Variants in PCF11 observed in about 807,000 individuals in gnomAD.
The protein encoded by PCF11 is pre-mRNA cleavage complex 2 protein Pcf11.
Under a neutral mutation model 166.1 loss-of-function variants are expected in PCF11, and 19 were observed. The observed-to-expected ratio is 0.11, with a 90% CI of 0.08 to 0.17. The LOEUF is 0.17. Ranked by LOEUF, PCF11 falls within the 10% of genes least tolerant of loss-of-function variation. The probability of loss-of-function intolerance (pLI) is 1.00; values close to 1 mark genes in which losing one functional copy is unlikely to be tolerated. For missense variants in PCF11, 1,565 were observed against 1,855.5 expected, an observed-to-expected ratio of 0.84 and a Z score of 2.88; for synonymous variants, 663 against 644.1, an observed-to-expected ratio of 1.03 and a Z score of -0.44.
At chr11:83,181,603 T>TAA (rs56993580) in intron 12 of PCF11, among the ~76,000 whole-genome samples, 35 of 146,808 alleles carry the variant, frequency 2.4e-4, no homozygotes, top group African/African-American at 8.7e-4. Flanking sequence ...CTGTTTTTTG[T>TAA]AAAAAAAAAA....
At chr11:83,179,570 T>C (rs1469952439) in intron 11 of PCF11, among the ~76,000 whole-genome samples, 1 of 152,096 alleles carries the variant, frequency 6.6e-6, no homozygotes, top group Non-Finnish European at 1.5e-5. Context: ...ATTTTCTGTT[T>C]CTTGATTTAC....
At chr11:83,157,859 T>G in intron 1 of PCF11, 1 of 563,660 alleles carries the variant, frequency 1.8e-6, no homozygotes. Context: ...GCTTTCCAAC[T>G]CCCTTTTTAG....
intron 9 of PCF11, among the ~76,000 whole-genome samples, chr11:83,175,026 G>A (rs1045925120): frequency 6.6e-6 from 1 of 152,226 alleles, no homozygotes; most frequent in African/African-American, 2.4e-5. Flanking sequence ...TTATCTGTAT[G>A]TGGATGCAAA....
chr11:83,181,581 C>A (rs641835), intron 12 of PCF11, among the ~76,000 whole-genome samples: 149,413 of 149,418 alleles, frequency 1, 74,704 homozygotes, highest in Middle Eastern at 1. Flanking sequence ...CTAAAATTCC[C>A]AGGCTCTAGG....
Position 83,169,909 on chromosome 11 carries a change from GA to G in PCF11, c.3581del (p.Asn1194IlefsTer17). 6.2e-7 allele frequency: 1 copy of G among 1,609,004 alleles called. No homozygotes were observed. Among genetic ancestry groups the G allele is most frequent in the South Asian group, 1.1e-5 (1 of 90,082 alleles). On this transcript the variant is annotated frameshift_variant, in exon 8 of 16. Transcript: ENST00000298281. LOFTEE classifies it high-confidence loss of function. Reference sequence around the variant, plus strand: ...CAGAGCTTCTGGACACTATTTTGATGAAAAAAATCTTCAGAGTTCTCAATTT... The same window carrying G: ...CAGAGCTTCTGGACACTATTTTGATGAAAAAATCTTCAGAGTTCTCAATTT...
intron 2 of PCF11, among the ~76,000 whole-genome samples, chr11:83,163,032 A>G (rs1006539612): frequency 2.6e-5 from 4 of 152,194 alleles, no homozygotes; most frequent in African/African-American, 9.7e-5. Context: ...CGGCCTCTCA[A>G]AGTGTTGGAA....
In PCF11 at chr11:83,167,125, C is replaced by T. The variant is rs758870259; in HGVS notation, c.1818C>T (p.Ser606=). The change falls in exon 6 of 16, where the codon AGC becomes AGT. Residue 606 remains serine, a splice_region_variant and synonymous_variant. Transcript: ENST00000298281. The surrounding 1 kb of genome is among the most constrained non-coding windows in gnomAD (Gnocchi z 4.2). ...TAACATACTGCTTTTATGGTTTCAG[C>T]TTACAACAGGTTGATGAACATAGTA... The T allele has an allele frequency of 1.2e-6, 2 of 1,608,260 alleles. No individual in the cohort carries two copies. Among genetic ancestry groups the T allele is most frequent in the Non-Finnish European group, 1.7e-6 (2 of 1,176,354 alleles).
At chr11:83,160,648 C>G (rs1440858588) in intron 1 of PCF11, among the ~76,000 whole-genome samples, 2 of 152,102 alleles carry the variant, frequency 1.3e-5, no homozygotes, top group Non-Finnish European at 2.9e-5. Flanking sequence ...AGAAAATCTT[C>G]AGGACAAATC....
At chr11:83,168,110 T>A (rs1860537622) in intron 7 of PCF11, among the ~76,000 whole-genome samples, 1 of 152,224 alleles carries the variant, frequency 6.6e-6, no homozygotes, top group Non-Finnish European at 1.5e-5. Context: ...TTAGGTATTT[T>A]TTATATGTAA....
At chr11:83,177,655 C>G (rs538863651) in intron 10 of PCF11, 59 bp from the exon 11 acceptor site, 85 of 822,546 alleles carry the variant, frequency 1.0e-4, no homozygotes, top group Non-Finnish European at 1.6e-4. Context: ...TAGTGTTCCT[C>G]TGTAGAGAAT....
At chr11:83,171,828 G>A (rs1166965308) in exon 9 of PCF11, 8 of 1,573,712 alleles carry the variant, frequency 5.1e-6, no homozygotes, top group African/African-American at 1.4e-5. Context: ...GTTCTGAGTG[G>A]TGTTGCTCAG....
chr11:83,174,296 A>G (rs1388682976), intron 9 of PCF11, among the ~76,000 whole-genome samples: 2 of 152,202 alleles, frequency 1.3e-5, no homozygotes, highest in African/African-American at 4.8e-5. Flanking sequence ...TTTTTCAGAC[A>G]TATATTAGTC....
At position 83,167,619 on chromosome 11, in the gene PCF11, C is replaced by T. The variant is rs1565154603; in HGVS notation, c.2092+114C>T. On this transcript the variant is annotated intron_variant, in intron 7 of 15. Transcript: ENST00000298281. This position sits in a 1 kb window ranked among gnomAD's most constrained non-coding sequence, Gnocchi z 4.2. The stretch of plus-strand genomic sequence containing the variant: ...AACCTACTATGAACATAAAGCAAAA[C>T]TGAAAAGGACACAGGTTCAGCATTC... 1.3e-6 allele frequency: 2 copies of T among 1,537,958 alleles called. No homozygotes were observed. Among genetic ancestry groups the T allele is most frequent in the East Asian group, 2.5e-5 (1 of 40,644 alleles).
At chr11:83,171,317 A>G in intron 8 of PCF11, 1 of 455,090 alleles carries the variant, frequency 2.2e-6, no homozygotes, top group Non-Finnish European at 4.4e-6. Context: ...AATGCTAATT[A>G]GAACAGGCTT....
exon 8 of PCF11, chr11:83,169,671 A>G: frequency 1.2e-6 from 2 of 1,614,000 alleles, no homozygotes; most frequent in Non-Finnish European, 1.7e-6. Flanking sequence ...TTGGTCTTCA[A>G]GGCACAAGAT....
chr11:83,168,853 C>G, exon 8 of PCF11: 1 of 1,613,632 alleles, frequency 6.2e-7, no homozygotes. Flanking sequence ...CCCAATTGGT[C>G]AAGCAGGAGG....
intron 10 of PCF11, 135 bp downstream of exon 10, chr11:83,177,339 T>C (rs1860923382): frequency 8.6e-6 from 6 of 696,854 alleles, no homozygotes; most frequent in South Asian, 3.6e-5. Flanking sequence ...TTATTTTTGA[T>C]TTTCGGTTTA....
exon 10 of PCF11, chr11:83,177,123 C>A: frequency 6.3e-7 from 1 of 1,575,362 alleles, no homozygotes; most frequent in Non-Finnish European, 8.6e-7. Context: ...TCATCTCAGT[C>A]AGGTGGATGT....
At chr11:83,184,919 C>T in exon 16 of PCF11, 1 of 1,479,148 alleles carries the variant, frequency 6.8e-7, no homozygotes, top group South Asian at 1.3e-5. Flanking sequence ...GTATGTTTTT[C>T]TTTTTTAAAA....
Sources: gnomAD v4.1 joint callset for allele counts (sites outside exome capture counted in the v4.1 genomes callset) on GRCh38, gnomAD v4.1.1 for gene constraint, Gnocchi (gnomAD v3.1) non-coding constraint, MANE v1.5 for transcripts, NCBI Gene and HGNC (gene_info 2026-07-23, HGNC 2026-07-21) for gene names.